SNX24: variants seen among roughly 807,000 people sequenced by gnomAD.
The protein encoded by SNX24 is sorting nexin 24.
A neutral mutation model predicts 28.7 loss-of-function variants in SNX24; 22 were observed. The ratio of observed to expected loss-of-function variants is 0.77; its 90% CI spans 0.55 to 1.10. SNX24 has a LOEUF of 1.10. Ranked by LOEUF, SNX24 falls within the 50% of genes least tolerant of loss-of-function variation. The pLI is 0.00. For synonymous variants in SNX24, 69 were observed against 71.5 expected (o/e 0.96, Z 0.18); for missense variants, 221 against 201.1 (o/e 1.10, Z -0.60).
intron 1 of SNX24, among the ~76,000 whole-genome samples, chr5:122,858,879 C>A (rs1755326566): frequency 6.6e-6 from 1 of 152,088 alleles, no homozygotes; most frequent in African/African-American, 2.4e-5. Context: ...ATTTCAGTAG[C>A]TGGGAATACA....
intron 4 of SNX24, 117 bp downstream of exon 4, chr5:123,000,123 T>C: frequency 1.4e-6 from 1 of 727,856 alleles, no homozygotes; most frequent in East Asian, 2.5e-5. Context: ...CCCACTCTTT[T>C]GGCTTGCTGC....
chr5:123,016,800 G>T (rs1465851600), intron 5 of SNX24, among the ~76,000 whole-genome samples: 1 of 152,166 alleles, frequency 6.6e-6, no homozygotes, highest in Non-Finnish European at 1.5e-5. Context: ...ATTCATGGAT[G>T]GAGGTTGGAA....
chr5:122,977,270 C>A (rs1761202634), intron 3 of SNX24, among the ~76,000 whole-genome samples: 1 of 152,096 alleles, frequency 6.6e-6, no homozygotes, highest in African/African-American at 2.4e-5. Flanking sequence ...GAACAGGGGA[C>A]CCATAATACC....
At chr5:122,908,072 T>C (rs1474250620) in intron 1 of SNX24, among the ~76,000 whole-genome samples, 1 of 152,176 alleles carries the variant, frequency 6.6e-6, no homozygotes, top group Non-Finnish European at 1.5e-5. Context: ...CATCACCACA[T>C]AGACAAAACA....
At chr5:122,890,034 T>C (rs759694553) in intron 1 of SNX24, among the ~76,000 whole-genome samples, 4 of 152,098 alleles carry the variant, frequency 2.6e-5, no homozygotes, top group Admixed American at 2.6e-4. Flanking sequence ...TCTATGGCAT[T>C]GTCATTTTTG....
intron 3 of SNX24, among the ~76,000 whole-genome samples, chr5:122,969,571 A>G (rs950922000): frequency 2.0e-5 from 3 of 152,224 alleles, no homozygotes; most frequent in Non-Finnish European, 2.9e-5. Context: ...CTCTTGTTCC[A>G]GAGTGCCTTT....
chr5:122,895,601 T>G (rs941826642), intron 1 of SNX24, among the ~76,000 whole-genome samples: 6 of 152,038 alleles, frequency 3.9e-5, no homozygotes, highest in Admixed American at 2.0e-4. Context: ...GGGTGATGAA[T>G]TATCATCCCC....
At chr5:122,938,240 A>C (rs567590603) in intron 2 of SNX24, among the ~76,000 whole-genome samples, 1 of 152,200 alleles carries the variant, frequency 6.6e-6, no homozygotes, top group South Asian at 2.1e-4. Flanking sequence ...CTGCTCTAGT[A>C]GAGTTTATTT....
chr5:123,029,071 G>A, intron 5 of SNX24: 1 of 864,496 alleles, frequency 1.2e-6, no homozygotes, highest in Admixed American at 2.9e-5. Context: ...GTATTAATGT[G>A]AATAAGTTAA....
intron 1 of SNX24, among the ~76,000 whole-genome samples, chr5:122,861,423 T>C (rs999661189): frequency 4.6e-5 from 7 of 152,328 alleles, no homozygotes; most frequent in African/African-American, 1.7e-4. Flanking sequence ...CTTCAAAAGG[T>C]CATTCCATCA....
chr5:123,006,184 T>C (rs1762416410), intron 6 of SNX24, among the ~76,000 whole-genome samples: 2 of 152,184 alleles, frequency 1.3e-5, no homozygotes, highest in Admixed American at 1.3e-4. Flanking sequence ...ATTCTATCAC[T>C]TACTTGACTT....
chr5:122,865,062 A>C (rs934371439), intron 1 of SNX24, among the ~76,000 whole-genome samples: 5 of 152,220 alleles, frequency 3.3e-5, no homozygotes, highest in African/African-American at 7.2e-5. Context: ...ACTTTTGCAA[A>C]GGCAGTTTCA....
rs1339845505 is a variant in SNX24 at position 123,029,190 on chromosome 5, ATG to A, written n.384-45_384-44del. The stretch of plus-strand genomic sequence containing the variant: ...ATATTTAATTGGAAAATAAAGTCAA[ATG>A]TGGTAAGGTTCATCTGACATACTAA... On this transcript the variant is annotated intron_variant and non_coding_transcript_variant, in intron 5 of 5. Transcript: ENST00000502387. The A allele has an allele frequency of 6.4e-6, 10 of 1,560,462 alleles. No individual in the cohort carries two copies. In the Admixed American group the frequency reaches 1.9e-4, roughly 29 times the overall value.
intron 1 of SNX24, among the ~76,000 whole-genome samples, chr5:122,900,367 G>GT (rs570160521): frequency 4.5e-4 from 68 of 152,040 alleles, no homozygotes; most frequent in Middle Eastern, 3.4e-3. Flanking sequence ...CTATTAAAAC[G>GT]TTTTTTTTAA....
intron 3 of SNX24, among the ~76,000 whole-genome samples, chr5:122,968,085 T>C (rs1299095087): frequency 6.6e-6 from 1 of 152,168 alleles, no homozygotes; most frequent in African/African-American, 2.4e-5. Context: ...CCTATAAAAT[T>C]CTCTCTACCT....
intron 3 of SNX24, among the ~76,000 whole-genome samples, chr5:122,963,771 A>G (rs1760584383): frequency 6.6e-6 from 1 of 152,208 alleles, no homozygotes; most frequent in Admixed American, 6.5e-5. Flanking sequence ...ATAGTCATGT[A>G]CTTTCTAATG....
intron 1 of SNX24, 37 bp from the exon 2 acceptor site, chr5:122,936,697 G>C (rs770710488): frequency 8.3e-7 from 1 of 1,210,628 alleles, no homozygotes; most frequent in African/African-American, 1.5e-5. Context: ...TGAGGGTTTT[G>C]AACTAATATA....
intron 1 of SNX24, among the ~76,000 whole-genome samples, chr5:122,869,704 C>T (rs1361698948): frequency 2.0e-5 from 3 of 152,242 alleles, no homozygotes; most frequent in Non-Finnish European, 2.9e-5. Context: ...ATTATTGCTA[C>T]GCTTTATCTC....
intron 1 of SNX24, among the ~76,000 whole-genome samples, chr5:122,925,128 C>T (rs1758627075): frequency 1.5e-5 from 2 of 134,352 alleles, no homozygotes; most frequent in Admixed American, 1.5e-4. Flanking sequence ...TTTCCTCCCC[C>T]TTCTCCATTC....
Sources: allele counts gnomAD v4.1 joint callset (sites outside exome capture counted in the v4.1 genomes callset), GRCh38; gene constraint gnomAD v4.1.1; transcripts MANE v1.5; gene names NCBI Gene and HGNC (gene_info 2026-07-23, HGNC 2026-07-21).